The following STK4 variants were observed in gnomAD, a reference collection of about 807,000 sequenced individuals.
The protein encoded by STK4 is serine/threonine kinase 4, also known as serine/threonine-protein kinase 4.
A neutral mutation model predicts 64.9 loss-of-function variants in STK4; 30 were observed. The observed-to-expected ratio is 0.46, with a 90% CI of 0.35 to 0.63. The LOEUF (loss-of-function observed/expected upper bound fraction) is 0.63. Among genes scored for constraint, STK4 ranks in the 20% least tolerant of loss-of-function variants. STK4 has a pLI of 0.01. For missense variants in STK4, 466 were observed against 598.5 expected, an observed-to-expected ratio of 0.78 and a Z score of 2.31; for synonymous variants, 177 against 199.0, an observed-to-expected ratio of 0.89 and a Z score of 0.93.
At chr20:45,000,325 T>A (rs2067812797) in intron 7 of STK4, 67 bp from the exon 8 acceptor site, 2 of 1,541,626 alleles carry the variant, frequency 1.3e-6, no homozygotes. Context: ...CCTACTGTGT[T>A]CCAGGTACTG....
chr20:45,005,017 C>A (rs1456565780), intron 9 of STK4, among the ~76,000 whole-genome samples: 1 of 151,714 alleles, frequency 6.6e-6, no homozygotes, highest in African/African-American at 2.4e-5. Flanking sequence ...GTAATCCGCC[C>A]GCCTTGGCCT....
intron 10 of STK4, among the ~76,000 whole-genome samples, chr20:45,033,730 C>T (rs967353407): frequency 2.0e-4 from 30 of 152,222 alleles, no homozygotes; most frequent in Admixed American, 1.6e-3. Flanking sequence ...CAGGCACCTG[C>T]TACTCTACCT....
At chr20:44,976,612 A>G (rs1448316323) in intron 2 of STK4, among the ~76,000 whole-genome samples, 1 of 152,230 alleles carries the variant, frequency 6.6e-6, no homozygotes. Flanking sequence ...TCAATCCGGT[A>G]TCCAACCAAA....
chr20:45,024,026 G>A, intron 9 of STK4, among the ~76,000 whole-genome samples: 1 of 147,838 alleles, frequency 6.8e-6, no homozygotes. Context: ...TCAGCCTCCC[G>A]AGTAGTTGGG....
intron 10 of STK4, among the ~76,000 whole-genome samples, chr20:45,063,078 A>ACTG (rs111660699): frequency 0.018 from 2,276 of 127,494 alleles, 63 homozygotes; most frequent in African/African-American, 0.066. Context: ...ATCATGGCTC[A>ACTG]CTGCAGCCTC....
chr20:45,069,436 T>A (rs530901034), intron 10 of STK4, among the ~76,000 whole-genome samples: 1 of 152,356 alleles, frequency 6.6e-6, no homozygotes, highest in South Asian at 2.1e-4. Context: ...GTATTTCTTA[T>A]AACAGAAGTT....
At chr20:45,045,145 C>T (rs1000688373) in intron 10 of STK4, among the ~76,000 whole-genome samples, 1 of 152,152 alleles carries the variant, frequency 6.6e-6, no homozygotes, top group African/African-American at 2.4e-5. Context: ...GCCTGGATTT[C>T]TGGTATGACT....
At chr20:45,010,448 A>C (rs999802719) in intron 9 of STK4, among the ~76,000 whole-genome samples, 1 of 152,236 alleles carries the variant, frequency 6.6e-6, no homozygotes, top group Non-Finnish European at 1.5e-5. Flanking sequence ...ATTAGTGATT[A>C]GGCACTTAAT....
At position 45,025,096 on chromosome 20, in the gene STK4, A is replaced by T. The variant is rs146304786; in HGVS notation, c.1271A>T (p.Asp424Val). Reference protein sequence around the residue: ...SVPGPLKNSSDWKIPQDGDYE... With the variant: ...SVPGPLKNSSVWKIPQDGDYE... ...CCTGGTCCACTGAAAAATTCTTCAG[A>T]TTGGAAAATACCACAGGATGGAGAC... Residue 424 changes from aspartate (D) to valine (V), a missense_variant, in exon 10 of 11, where the codon GAT (aspartate) becomes GTT (valine). Around this residue, in one of 2 missense-constraint regions of STK4, gnomAD observed 276 missense variants for 308.9 expected, o/e 0.89. Transcript: ENST00000372806. The T allele has an allele frequency of 2.5e-6, 4 of 1,613,324 alleles. No homozygotes were observed. The highest frequency in any genetic ancestry group is 1.7e-5 in the Admixed American group (1 of 59,916).
In STK4 at chr20:45,020,687, G is replaced by A. The variant is rs567120496; in HGVS notation, c.1148-4286G>A. On this transcript the variant is annotated intron_variant, in intron 9 of 10. Coordinates refer to ENST00000372806, the MANE Select transcript of STK4 (RefSeq NM_006282.5). ...GGTTAGCTCTGCTCTGTGGTCAGCT[G>A]GTGCAATAACAGCTGGGGATGGCTG... 2.6e-5 allele frequency among the ~76,000 whole-genome samples: 4 copies of A among 152,190 alleles called. No homozygotes were observed. In the South Asian group the frequency reaches 8.3e-4, roughly 32 times the overall value.
At chr20:45,053,218 C>G in intron 10 of STK4, 1 of 1,502,738 alleles carries the variant, frequency 6.7e-7, no homozygotes, top group Non-Finnish European at 9.2e-7. Flanking sequence ...ACCACAGTAG[C>G]CTGGTTCTGC....
intron 9 of STK4, chr20:45,004,518 T>C (rs2067899611): frequency 7.0e-6 from 1 of 142,824 alleles, no homozygotes; most frequent in Non-Finnish European, 1.6e-5. Context: ...GCCTAATTTT[T>C]CATGGTTTTT....
intron 10 of STK4, among the ~76,000 whole-genome samples, chr20:45,067,580 C>T (rs2145477893): frequency 6.6e-6 from 1 of 152,290 alleles, no homozygotes; most frequent in South Asian, 2.1e-4. Context: ...GAAGAGGAAG[C>T]TCTACTATAC....
chr20:44,997,283 G>A lies in STK4; in HGVS notation c.808G>A (p.Ala270Thr), dbSNP rs757686883. The change falls in exon 7 of 11, where the codon GCC becomes ACC. Residue 270 changes from alanine to threonine, a missense_variant. Around this residue, in one of 2 missense-constraint regions of STK4, gnomAD observed 276 missense variants for 308.9 expected, o/e 0.89. Transcript: ENST00000372806. ...QCLVKSPEQR[A>T]TATQLLQHPF... Reference sequence around the variant, plus strand: ...TCTTGTAAAGAGCCCTGAGCAGAGGGCCACAGCCACTCAGCTCCTGCAGGT... The same window carrying A: ...TCTTGTAAAGAGCCCTGAGCAGAGGACCACAGCCACTCAGCTCCTGCAGGT... The A allele has an allele frequency of 6.2e-7, 1 of 1,605,452 alleles. No homozygotes were observed. The highest frequency in any genetic ancestry group is 1.3e-5 in the African/African-American group (1 of 74,520).
At chr20:44,974,086 A>G (rs537888877) in intron 2 of STK4, 17 of 152,236 alleles carry the variant, frequency 1.1e-4, no homozygotes, top group Admixed American at 5.9e-4. Flanking sequence ...TTGTTTGTTT[A>G]TTTATTTTTG....
intron 9 of STK4, among the ~76,000 whole-genome samples, chr20:45,006,585 G>A (rs1245271304): frequency 2.6e-5 from 4 of 152,028 alleles, no homozygotes; most frequent in African/African-American, 4.8e-5. Context: ...GCTTATGTTT[G>A]GTGAGAATTA....
At chr20:45,032,171 C>T (rs1200393692) in intron 10 of STK4, among the ~76,000 whole-genome samples, 2 of 152,134 alleles carry the variant, frequency 1.3e-5, no homozygotes, top group Middle Eastern at 3.4e-3. Flanking sequence ...AAAAAACTAA[C>T]GCAATTAACA....
chr20:44,997,429 C>A (rs190417433), intron 7 of STK4, 123 bp downstream of exon 7: 9 of 1,225,422 alleles, frequency 7.3e-6, no homozygotes, highest in East Asian at 5.3e-5. Flanking sequence ...CAGTGGCTCA[C>A]GCCTGTAATC....
chr20:45,068,983 C>A (rs1979824570), intron 10 of STK4, among the ~76,000 whole-genome samples: 1 of 152,196 alleles, frequency 6.6e-6, no homozygotes, highest in Admixed American at 6.5e-5. Context: ...GAGATCACAT[C>A]TTTTAAGAGA....
Sources: gnomAD v4.1 joint callset for allele counts (sites outside exome capture counted in the v4.1 genomes callset) on GRCh38, gnomAD v4.1.1 for gene constraint, gnomAD v4.1.1 regional missense constraint, MANE v1.5 for transcripts, NCBI Gene and HGNC (gene_info 2026-07-23, HGNC 2026-07-21) for gene names.